The following ADGRF1 variants were observed in gnomAD, a reference collection of about 807,000 sequenced individuals.
ADGRF1 encodes the protein adhesion G protein-coupled receptor F1, also known as G protein-coupled receptor 110.
ADGRF1 carries 85 observed loss-of-function variants against 87.2 expected under a neutral mutation model. The observed-to-expected ratio is 0.97, with a 90% CI of 0.82 to 1.17. The LOEUF (loss-of-function observed/expected upper bound fraction) is 1.17. Ranked by LOEUF, ADGRF1 falls within the 50% of genes most tolerant of loss-of-function variation. The pLI, the probability that ADGRF1 is intolerant of heterozygous loss-of-function variation, is 0.00. For missense variants in ADGRF1, 1,169 were observed against 1,077.2 expected, an observed-to-expected ratio of 1.09 and a Z score of -1.19; for synonymous variants, 430 against 408.8, an observed-to-expected ratio of 1.05 and a Z score of -0.63.
chr6:47,022,757 A>G (rs914623585), intron 5 of ADGRF1, among the ~76,000 whole-genome samples: 1 of 149,358 alleles, frequency 6.7e-6, no homozygotes, highest in Admixed American at 6.7e-5. Flanking sequence ...TCAAAGATGG[A>G]TTAGACATGG....
chr6:47,001,628 A>C, intron 13 of ADGRF1, 61 bp from the exon 14 acceptor site: 2 of 1,285,714 alleles, frequency 1.6e-6, no homozygotes, highest in South Asian at 2.5e-5. Context: ...GTTGGTCTGC[A>C]TTTCCTGACT....
At position 47,020,259 on chromosome 6, in the gene ADGRF1, G is replaced by A. The variant is rs1383026138; in HGVS notation, c.611+472C>T. On this transcript the variant is annotated intron_variant, in intron 7 of 14. Coordinates refer to ENST00000371253, the MANE Select transcript of ADGRF1 (RefSeq NM_153840.4). The stretch of plus-strand genomic sequence containing the variant: ...CTGTAATCCCAGCACTTTGGGGGCC[G>A]AGGCAGGCGGATCACCTGAGGTCAG... 1.0e-5 allele frequency: 13 copies of A among 1,238,238 alleles called. No homozygotes were observed. The East Asian group carries it at 1.5e-4, about 14-fold the overall frequency. The allele number at this position is 1,238,238 out of a possible 1,614,324, so 76.7% of individuals were successfully genotyped here.
At chr6:47,022,137 C>T in intron 5 of ADGRF1, 79 bp from the exon 6 acceptor site, 1 of 809,704 alleles carries the variant, frequency 1.2e-6, no homozygotes, top group Non-Finnish European at 2.0e-6. Flanking sequence ...TATAGAAGTA[C>T]AATTCAGAGT....
intron 6 of ADGRF1, among the ~76,000 whole-genome samples, chr6:47,021,609 C>T (rs1402028474): frequency 2.0e-5 from 3 of 152,138 alleles, no homozygotes; most frequent in African/African-American, 4.8e-5. Context: ...GATCTGCCTG[C>T]CTCAGCCTCC....
At chr6:47,031,304 CTCTG>C (rs1293032445) in intron 1 of ADGRF1, among the ~76,000 whole-genome samples, 1 of 150,144 alleles carries the variant, frequency 6.7e-6, no homozygotes, top group Non-Finnish European at 1.5e-5. Flanking sequence ...GTCTGACTCT[CTCTG>C]TCTCTCTGTC....
At position 47,009,650 on chromosome 6, in the gene ADGRF1, G is replaced by A. The variant is rs760920158; in HGVS notation, c.1785C>T (p.Ile595=). The part of the protein sequence containing the change: ...VKWITYVGLG[I]SIGSLILCLI... ...GGCATAAAATGAGACTTCCAATGGA[G>A]ATACCCAGTCCCACATAGGTGATCC... Residue 595 remains isoleucine (I), a synonymous_variant, in exon 11 of 15, where the codon ATC becomes ATT. Transcript: ENST00000371253. The A allele has an allele frequency of 6.2e-7, 1 of 1,614,202 alleles. No homozygotes were observed. Among genetic ancestry groups the A allele is most frequent in the South Asian group, 1.1e-5 (1 of 91,082 alleles).
intron 4 of ADGRF1, 26 bp from the exon 5 acceptor site, chr6:47,024,243 C>G (rs1267542685): frequency 6.3e-7 from 1 of 1,582,674 alleles, no homozygotes; most frequent in Non-Finnish European, 8.7e-7. Flanking sequence ...AACTCAGTCT[C>G]ATGGATTCTG....
Position 47,014,803 on chromosome 6 carries a change from C to G in ADGRF1, c.805G>C (p.Asp269His). The stretch of plus-strand genomic sequence containing the variant: ...CTGCTGCAGGGCAGGGTATATTCAT[C>G]ATCCTTGGACCCAAATCCAAAGACA... ...DIVFGFGSKDDEYTLPCSSGY... is the reference protein window; with the variant it reads ...DIVFGFGSKDHEYTLPCSSGY... Residue 269 changes from aspartate (D) to histidine (H), a missense_variant, in exon 9 of 15, where the codon GAT (aspartate) becomes CAT (histidine). Transcript: ENST00000371253. 6.2e-7 allele frequency: 1 copy of G among 1,613,080 alleles called. No individual in the cohort carries two copies. Among genetic ancestry groups the G allele is most frequent in the Non-Finnish European group, 8.5e-7 (1 of 1,179,440 alleles).
rs1434604370 is a variant in ADGRF1, at chr6:47,009,287, A to T, written c.2148T>A (p.Ile716=). 1.2e-6 allele frequency: 2 copies of T among 1,614,024 alleles called. No homozygotes were observed. The highest frequency in any genetic ancestry group is 1.3e-5 in the African/African-American group (1 of 74,908). ...TGCTAGGTTGCGTGACAGCAATGGT[A>T]ATGACAGATATAATGAGAGGGCACC... The part of the protein sequence containing the change: ...GYGCPLIISV[I]TIAVTQPSNT... Residue 716 remains isoleucine, a synonymous_variant, in exon 11 of 15, where the codon ATT becomes ATA. Coordinates refer to ENST00000371253, the MANE Select transcript of ADGRF1 (RefSeq NM_153840.4).
intron 9 of ADGRF1, chr6:47,013,175 T>C (rs1025342232): frequency 1.3e-5 from 13 of 985,458 alleles, no homozygotes; most frequent in Non-Finnish European, 1.6e-5. Flanking sequence ...CCACTCAACA[T>C]TAAGTCCACT....
intron 1 of ADGRF1, among the ~76,000 whole-genome samples, chr6:47,041,126 T>G (rs766646863): frequency 2.6e-5 from 4 of 152,212 alleles, no homozygotes; most frequent in Non-Finnish European, 2.9e-5. Flanking sequence ...ATAAGACAAC[T>G]AAATAATTTG....
intron 9 of ADGRF1, chr6:47,013,386 A>T (rs1331953766): frequency 1.0e-6 from 1 of 985,310 alleles, no homozygotes; most frequent in Non-Finnish European, 1.2e-6. Context: ...GGAAACTGAG[A>T]TCCACAAAGG....
intron 9 of ADGRF1, chr6:47,012,928 C>T: frequency 5.3e-6 from 3 of 564,370 alleles, no homozygotes; most frequent in Middle Eastern, 8.8e-4. Flanking sequence ...CACCACCACG[C>T]CCAGCTAATT....
Position 47,009,335 on chromosome 6 carries a change from A to G in ADGRF1, c.2100T>C (p.Ala700=), listed in dbSNP as rs150886439. The G allele has an allele frequency of 3.3e-5, 54 of 1,614,210 alleles. No individual in the cohort carries two copies. The African/African-American group carries it at 5.9e-4, about 18-fold the overall frequency. ...ACCCATAACCCAGGCAAAATCCAACAGCCATCATCAAATGCTGGGCCATGT... is the reference window on the plus strand; with the variant it reads ...ACCCATAACCCAGGCAAAATCCAACGGCCATCATCAAATGCTGGGCCATGT... ...FHHMAQHLMM[A]VGFCLGYGCP... Residue 700 remains alanine (A), a synonymous_variant, in exon 11 of 15, where the codon GCT becomes GCC. Transcript: ENST00000371253.
chr6:47,007,701 G>C (rs1779572553), intron 11 of ADGRF1, among the ~76,000 whole-genome samples: 1 of 152,226 alleles, frequency 6.6e-6, no homozygotes, highest in Non-Finnish European at 1.5e-5. Context: ...CAAGTGGAGG[G>C]ATTTGACCTA....
At chr6:47,008,473 A>G (rs1779593915) in intron 11 of ADGRF1, among the ~76,000 whole-genome samples, 1 of 152,244 alleles carries the variant, frequency 6.6e-6, no homozygotes, top group Non-Finnish European at 1.5e-5. Flanking sequence ...GCCATAGACC[A>G]TATGTACATA....
chr6:47,005,219 A>G (rs1479854857), intron 13 of ADGRF1, among the ~76,000 whole-genome samples: 4 of 152,190 alleles, frequency 2.6e-5, no homozygotes, highest in African/African-American at 7.2e-5. Flanking sequence ...TACTATCCCC[A>G]TATGGATTAT....
intron 7 of ADGRF1, 123 bp from the exon 8 acceptor site, chr6:47,016,891 A>C: frequency 7.5e-7 from 1 of 1,326,018 alleles, no homozygotes; most frequent in Non-Finnish European, 9.7e-7. Flanking sequence ...CTTACATTCT[A>C]GTGGATAAGG....
rs758318671 is a variant in ADGRF1 at position 47,020,797 on chromosome 6, A to G, written c.553-8T>C. ...TTCATATGCTTTTTTAAGCTTAGAA[A>G]GAGAACAAAGAACAATGTGTTAATT... On this transcript the variant is annotated splice_polypyrimidine_tract_variant and splice_region_variant and intron_variant, in intron 6 of 14. Coordinates refer to ENST00000371253, the MANE Select transcript of ADGRF1 (RefSeq NM_153840.4). The G allele has an allele frequency of 6.2e-7, 1 of 1,611,588 alleles. No individual in the cohort carries two copies. Among genetic ancestry groups the G allele is most frequent in the Admixed American group, 1.7e-5 (1 of 60,016 alleles).
Sources: allele counts gnomAD v4.1 joint callset (sites outside exome capture counted in the v4.1 genomes callset), GRCh38; gene constraint gnomAD v4.1.1; transcripts MANE v1.5; gene names NCBI Gene and HGNC (gene_info 2026-07-23, HGNC 2026-07-21).